Variants in MACC1 observed in about 807,000 individuals in gnomAD.
The protein encoded by MACC1 is MET transcriptional regulator MACC1, also known as metastasis-associated in colon cancer protein 1.
A neutral mutation model predicts 70.7 loss-of-function variants in MACC1; 79 were observed. The observed-to-expected ratio is 1.12, with a 90% CI of 0.93 to 1.35. The LOEUF is 1.35. Ranked by LOEUF, MACC1 falls within the 40% of genes most tolerant of loss-of-function variation. The pLI is 0.00. For synonymous variants in MACC1, 361 were observed against 347.2 expected (o/e 1.04, Z -0.44); for missense variants, 1,106 against 978.1 (o/e 1.13, Z -1.74).
chr7:20,184,631 G>T (rs962080722), intron 1 of MACC1, among the ~76,000 whole-genome samples: 1 of 152,136 alleles, frequency 6.6e-6, no homozygotes, highest in South Asian at 2.1e-4. Flanking sequence ...CAGGAGAATG[G>T]TACACAGAGG....
rs1053468135 is a variant in MACC1 at position 20,159,059 on chromosome 7, A to G, written c.1302T>C (p.Ser434=). Residue 434 remains serine (S), a synonymous_variant, in exon 5 of 7, where the codon AGT becomes AGC. Transcript: ENST00000400331. The part of the protein sequence containing the change: ...SFLLDKPQDL[S]ISIFSCDPDF... Reference sequence around the variant, plus strand: ...CAGGATCACAGGAAAAAATAGAAATACTTAAATCTTGTGGCTTGTCAAGTA... The same window carrying G: ...CAGGATCACAGGAAAAAATAGAAATGCTTAAATCTTGTGGCTTGTCAAGTA... The G allele has an allele frequency of 6.2e-7, 1 of 1,613,614 alleles. No homozygotes were observed. Among genetic ancestry groups the G allele is most frequent in the African/African-American group, 1.3e-5 (1 of 74,902 alleles).
rs150968129 is a variant in MACC1 at position 20,171,612 on chromosome 7, C to T, written c.-217-834G>A. On this transcript the variant is annotated intron_variant, in intron 1 of 6. Coordinates refer to ENST00000400331, the MANE Select transcript of MACC1 (RefSeq NM_182762.4). ...TTTTTTTTTTTTTGAGATGGAGTCTCGTTCTGTCGCCCAGGTTGGAGTGCA... is the reference window on the plus strand; with the variant it reads ...TTTTTTTTTTTTTGAGATGGAGTCTTGTTCTGTCGCCCAGGTTGGAGTGCA... Among the ~76,000 whole-genome samples, 929 of 134,416 alleles carry T rather than the reference C, an allele frequency of 6.9e-3. 22 individuals carry two copies. The highest frequency in any genetic ancestry group is 0.025 in the African/African-American group (892 of 36,008). 88.2% of individuals were successfully genotyped at this position (134,416 alleles called of 152,430 possible).
At chr7:20,187,615 A>C (rs1347454809) in intron 1 of MACC1, among the ~76,000 whole-genome samples, 1 of 152,184 alleles carries the variant, frequency 6.6e-6, no homozygotes, top group African/African-American at 2.4e-5. Context: ...ACCTTGGTGA[A>C]ATTGAACACT....
chr7:20,183,866 C>A (rs1782547617), intron 1 of MACC1, among the ~76,000 whole-genome samples: 1 of 152,024 alleles, frequency 6.6e-6, no homozygotes, highest in African/African-American at 2.4e-5. Flanking sequence ...CGCCACCATG[C>A]CCAGCTAATT....
intron 1 of MACC1, among the ~76,000 whole-genome samples, chr7:20,181,702 G>T (rs542553626): frequency 2.0e-4 from 31 of 152,144 alleles, no homozygotes; most frequent in African/African-American, 6.5e-4. Flanking sequence ...AAAAACATTT[G>T]CATTTTAAAA....
At chr7:20,178,311 T>C (rs1052368080) in intron 1 of MACC1, among the ~76,000 whole-genome samples, 1 of 151,620 alleles carries the variant, frequency 6.6e-6, no homozygotes, top group Non-Finnish European at 1.5e-5. Flanking sequence ...CAGAGAATAA[T>C]TGATTCAATT....
chr7:20,178,288 CA>C (rs58172540), intron 1 of MACC1, among the ~76,000 whole-genome samples: 62,389 of 151,338 alleles, frequency 0.41, 13,339 homozygotes, highest in East Asian at 0.64. Flanking sequence ...CACACACACA[CA>C]CACACACACT....
chr7:20,194,928 G>A (rs371574151), intron 1 of MACC1, among the ~76,000 whole-genome samples: 34 of 151,912 alleles, frequency 2.2e-4, no homozygotes, highest in African/African-American at 6.5e-4. Context: ...ATTTTTTCTC[G>A]TCATAAAGAT....
chr7:20,160,887 T>A (rs1410513582), intron 4 of MACC1, among the ~76,000 whole-genome samples: 1 of 152,128 alleles, frequency 6.6e-6, no homozygotes, highest in African/African-American at 2.4e-5. Context: ...ATTCATAAAA[T>A]GAACATTGAA....
intron 1 of MACC1, among the ~76,000 whole-genome samples, chr7:20,191,732 G>A (rs1354938381): frequency 6.6e-6 from 1 of 152,116 alleles, no homozygotes; most frequent in Non-Finnish European, 1.5e-5. Flanking sequence ...CCTCTCACTG[G>A]CAAGATCTAA....
intron 1 of MACC1, among the ~76,000 whole-genome samples, chr7:20,175,554 A>T (rs187576546): frequency 2.2e-4 from 33 of 152,280 alleles, no homozygotes; most frequent in African/African-American, 7.9e-4. Flanking sequence ...GCATTTTCAT[A>T]TAATTGCATA....
chr7:20,173,206 G>A (rs933773104), intron 1 of MACC1, among the ~76,000 whole-genome samples: 2 of 152,132 alleles, frequency 1.3e-5, no homozygotes, highest in Admixed American at 6.5e-5. Context: ...ATTATGAGGT[G>A]ATAATATACA....
chr7:20,179,941 A>G (rs924571523), intron 1 of MACC1, among the ~76,000 whole-genome samples: 4 of 152,138 alleles, frequency 2.6e-5, no homozygotes, highest in Non-Finnish European at 5.9e-5. Flanking sequence ...TGAATTGTCA[A>G]CTGTGCTTTG....
intron 1 of MACC1, among the ~76,000 whole-genome samples, chr7:20,192,655 A>T (rs1782690401): frequency 6.6e-6 from 1 of 152,248 alleles, no homozygotes; most frequent in Non-Finnish European, 1.5e-5. Context: ...GTGAAATATA[A>T]TACAACCATT....
At chr7:20,194,217 T>C in intron 1 of MACC1, among the ~76,000 whole-genome samples, 1 of 152,156 alleles carries the variant, frequency 6.6e-6, no homozygotes, top group East Asian at 1.9e-4. Context: ...TTTTTGCCGC[T>C]TTTTTTATAT....
intron 1 of MACC1, among the ~76,000 whole-genome samples, chr7:20,186,682 T>A (rs186718930): frequency 6.6e-6 from 1 of 151,802 alleles, no homozygotes; most frequent in East Asian, 1.9e-4. Flanking sequence ...AAAGGAAGAA[T>A]GAACTTATAA....
At chr7:20,204,852 C>T (rs1782886112) in intron 1 of MACC1, among the ~76,000 whole-genome samples, 1 of 152,102 alleles carries the variant, frequency 6.6e-6, no homozygotes, top group African/African-American at 2.4e-5. Context: ...ACTTGTACTG[C>T]TTTTTCAGTT....
At chr7:20,193,605 G>C (rs529059489) in intron 1 of MACC1, among the ~76,000 whole-genome samples, 46 of 152,108 alleles carry the variant, frequency 3.0e-4, no homozygotes, top group Non-Finnish European at 1.3e-4. Context: ...GATCTTATAA[G>C]AGACACCCTG....
chr7:20,163,613 A>G (rs1782168981), intron 3 of MACC1, among the ~76,000 whole-genome samples: 1 of 152,276 alleles, frequency 6.6e-6, no homozygotes, highest in South Asian at 2.1e-4. Flanking sequence ...AACTAAAAGT[A>G]TGAACACATA....
Sources: gnomAD v4.1 joint callset for allele counts (sites outside exome capture counted in the v4.1 genomes callset) on GRCh38, gnomAD v4.1.1 for gene constraint, MANE v1.5 for transcripts, NCBI Gene and HGNC (gene_info 2026-07-23, HGNC 2026-07-21) for gene names.